PCDHGA7: variants seen among roughly 807,000 people sequenced by gnomAD.
PCDHGA7 encodes protocadherin gamma-A7.
In PCDHGA7, 44 loss-of-function variants were observed where a neutral mutation model predicts 58.3. That is an observed-to-expected ratio of 0.75 (90% CI 0.59 to 0.97). The LOEUF (loss-of-function observed/expected upper bound fraction) is 0.97, where lower values mean the gene tolerates loss of function less well. Among genes scored for constraint, PCDHGA7 ranks in the 50% least tolerant of loss-of-function variants. The pLI, the probability that PCDHGA7 is intolerant of heterozygous loss-of-function variation, is 0.00. For missense variants in PCDHGA7, 1,266 were observed against 1,188.7 expected (o/e 1.06, Z -0.96); for synonymous variants, 516 against 504.2 (o/e 1.02, Z -0.31).
At position 141,447,890 on chromosome 5, in the gene PCDHGA7, A is replaced by AC. The variant is rs1252174829; in HGVS notation, c.2425-46917_2425-46916insC. On this transcript the variant is annotated intron_variant, in intron 1 of 3. Transcript: ENST00000518325. ...CATCTGAGGTCAGGAGTTCGAGACCAGCCTGGCCAACATGGTGAAACTCTG... is the reference window on the plus strand; with the variant it reads ...CATCTGAGGTCAGGAGTTCGAGACCACGCCTGGCCAACATGGTGAAACTCTG... 1.3e-5 allele frequency among the ~76,000 whole-genome samples: 2 copies of AC among 152,146 alleles called. 1 individual carries two copies. The highest frequency in any genetic ancestry group is 4.8e-5 in the African/African-American group (2 of 41,434).
At chr5:141,478,063 A>G in intron 1 of PCDHGA7, 1 of 1,614,168 alleles carries the variant, frequency 6.2e-7, no homozygotes, top group Non-Finnish European at 8.5e-7. Context: ...TCTTGATCAA[A>G]GACAATGGGG....
At chr5:141,433,401 A>ATCTATCTATCTC (rs1444244130) in intron 1 of PCDHGA7, among the ~76,000 whole-genome samples, 15 of 150,598 alleles carry the variant, frequency 1.0e-4, no homozygotes, top group African/African-American at 3.4e-4. Flanking sequence ...CTATCTATCT[A>ATCTATCTATCTC]TCTATTACTT....
intron 1 of PCDHGA7, among the ~76,000 whole-genome samples, chr5:141,459,348 C>G (rs1015330513): frequency 2.6e-5 from 4 of 152,194 alleles, no homozygotes; most frequent in Admixed American, 2.0e-4. Context: ...TCTTGAAATT[C>G]ATTCATGTTC....
At chr5:141,466,763 C>T (rs960940073) in intron 1 of PCDHGA7, among the ~76,000 whole-genome samples, 31 of 152,272 alleles carry the variant, frequency 2.0e-4, no homozygotes, top group Middle Eastern at 6.8e-3. Context: ...TCTTTTCAAA[C>T]TGTTATCTTA....
At chr5:141,460,596 C>G (rs930441447) in intron 1 of PCDHGA7, among the ~76,000 whole-genome samples, 2 of 151,986 alleles carry the variant, frequency 1.3e-5, no homozygotes, top group Non-Finnish European at 2.9e-5. Flanking sequence ...TTTCTGGGCT[C>G]TCTGTGTTAG....
At position 141,431,398 on chromosome 5, in the gene PCDHGA7, G is replaced by A. The variant is rs1052461071; in HGVS notation, c.2424+46075G>A. ...AGGCTGCTCACCACCTGGTCCTTACGGCCTCCGACGGGGGCGACCCGGTGC... is the reference window on the plus strand; with the variant it reads ...AGGCTGCTCACCACCTGGTCCTTACAGCCTCCGACGGGGGCGACCCGGTGC... On this transcript the variant is annotated intron_variant, in intron 1 of 3. Coordinates refer to ENST00000518325, the MANE Select transcript of PCDHGA7 (RefSeq NM_018920.4). This position sits in a 1 kb window ranked among gnomAD's most constrained non-coding sequence, Gnocchi z 4.8. The A allele has an allele frequency of 6.8e-6, 11 of 1,613,768 alleles. No homozygotes were observed. Among genetic ancestry groups the A allele is most frequent in the Non-Finnish European group, 9.3e-6 (11 of 1,180,036 alleles).
In PCDHGA7 at chr5:141,491,721, C is replaced by T. The variant is rs761584159; in HGVS notation, c.2425-3086C>T. On this transcript the variant is annotated intron_variant, in intron 1 of 3. Transcript: ENST00000518325. The surrounding 1 kb of genome is among the most constrained non-coding windows in gnomAD (Gnocchi z 6.9). The stretch of plus-strand genomic sequence containing the variant: ...GCCAGGTGAGGGGCTCGGCGCCGCC[C>T]CGGGCGACCCCTGGGGGCGGCACTG... 3 of 1,607,250 alleles carry T rather than the reference C, an allele frequency of 1.9e-6. No homozygotes were observed. Among genetic ancestry groups the T allele is most frequent in the Admixed American group, 1.7e-5 (1 of 58,860 alleles).
chr5:141,415,311 C>T, intron 1 of PCDHGA7: 2 of 1,614,242 alleles, frequency 1.2e-6, no homozygotes, highest in Non-Finnish European at 1.7e-6. Context: ...TGGCCTTCGT[C>T]ATCGTGCTGC....
rs1482301595 is a variant in PCDHGA7 at position 141,383,254 on chromosome 5, A to G, written c.355A>G (p.Ile119Val). 1 of 1,613,948 alleles carries G rather than the reference A, an allele frequency of 6.2e-7. No homozygotes were observed. The highest frequency in any genetic ancestry group is 1.3e-5 in the African/African-American group (1 of 75,072). Residue 119 changes from isoleucine to valine, a missense_variant, in exon 1 of 4, where the codon ATA (isoleucine) becomes GTA (valine). Physicochemically the swap from Ile to Val is conservative, Grantham distance 29. Transcript: ENST00000518325. Reference sequence around the variant, plus strand: ...GGAAGATAAAATGAATCTTTACCCTATAGACGTGGAAATAATAGATATTAA... The same window carrying G: ...GGAAGATAAAATGAATCTTTACCCTGTAGACGTGGAAATAATAGATATTAA... ...LMEDKMNLYP[I>V]DVEIIDINDN...
chr5:141,394,652 G>T (rs1589237070), intron 1 of PCDHGA7: 1 of 1,613,422 alleles, frequency 6.2e-7, no homozygotes, highest in Non-Finnish European at 8.5e-7. Flanking sequence ...AGGCCAGCGA[G>T]CCGGGACTCT....
chr5:141,495,878 T>C (rs2099764378), intron 2 of PCDHGA7, among the ~76,000 whole-genome samples: 1 of 152,184 alleles, frequency 6.6e-6, no homozygotes, highest in African/African-American at 2.4e-5. Context: ...TTCCTCTCTG[T>C]TCTTTGTCTC....
chr5:141,410,329 G>T, intron 1 of PCDHGA7: 1 of 1,613,982 alleles, frequency 6.2e-7, no homozygotes, highest in African/African-American at 1.3e-5. Context: ...CCGTGATTCT[G>T]GCCATTGCCT....
chr5:141,423,210 C>A (rs954945082), intron 1 of PCDHGA7: 2 of 1,613,578 alleles, frequency 1.2e-6, no homozygotes, highest in East Asian at 4.5e-5. Flanking sequence ...CCGTCACGCT[C>A]ACCGTGGCTG....
At chr5:141,459,156 T>C (rs920698328) in intron 1 of PCDHGA7, among the ~76,000 whole-genome samples, 1 of 152,188 alleles carries the variant, frequency 6.6e-6, no homozygotes, top group Non-Finnish European at 1.5e-5. Flanking sequence ...ATATAGAACA[T>C]TTCTATAACC....
At chr5:141,446,767 G>T (rs891355909) in intron 1 of PCDHGA7, among the ~76,000 whole-genome samples, 1 of 152,118 alleles carries the variant, frequency 6.6e-6, no homozygotes, top group African/African-American at 2.4e-5. Flanking sequence ...GCGCCCAGCC[G>T]GTTACCATTC....
At chr5:141,422,009 G>C (rs1483710075) in intron 1 of PCDHGA7, 1 of 1,609,752 alleles carries the variant, frequency 6.2e-7, no homozygotes, top group Non-Finnish European at 8.5e-7. Flanking sequence ...TCCGGAACTC[G>C]GGTGCTGATG....
chr5:141,499,570 A>G (rs1027373056), intron 2 of PCDHGA7, among the ~76,000 whole-genome samples: 2 of 152,200 alleles, frequency 1.3e-5, no homozygotes, highest in African/African-American at 4.8e-5. Context: ...TCCAGCTTCA[A>G]CTAATGCCTT....
At chr5:141,456,051 C>T (rs1592410743) in intron 1 of PCDHGA7, among the ~76,000 whole-genome samples, 1 of 151,998 alleles carries the variant, frequency 6.6e-6, no homozygotes, top group Non-Finnish European at 1.5e-5. Context: ...GCGCCCACCA[C>T]CACGTCCGGC....
chr5:141,409,831 C>T (rs1015263434), intron 1 of PCDHGA7: 2 of 1,611,128 alleles, frequency 1.2e-6, no homozygotes, highest in Non-Finnish European at 1.7e-6. Flanking sequence ...CCACGCTCAG[C>T]GCCAACGTGA....
Sources: gnomAD v4.1 joint callset for allele counts (sites outside exome capture counted in the v4.1 genomes callset) on GRCh38, gnomAD v4.1.1 for gene constraint, Gnocchi (gnomAD v3.1) non-coding constraint, MANE v1.5 for transcripts, NCBI Gene and HGNC (gene_info 2026-07-23, HGNC 2026-07-21) for gene names.